Variants in UCHL5 observed in about 807,000 individuals in gnomAD.
UCHL5 encodes ubiquitin C-terminal hydrolase L5.
In UCHL5, 34 loss-of-function variants were observed where a neutral mutation model predicts 53.8. The observed-to-expected ratio is 0.63, with a 90% CI of 0.48 to 0.84. The LOEUF is 0.84. Among genes scored for constraint, UCHL5 ranks in the 40% least tolerant of loss-of-function variants. UCHL5 has a pLI of 0.00. For missense variants in UCHL5, 290 were observed against 385.6 expected, an observed-to-expected ratio of 0.75 and a Z score of 2.08; for synonymous variants, 111 against 126.3, an observed-to-expected ratio of 0.88 and a Z score of 0.81.
At chr1:193,054,948 T>C (rs538123941) in intron 1 of UCHL5, among the ~76,000 whole-genome samples, 11 of 152,158 alleles carry the variant, frequency 7.2e-5, no homozygotes, top group Non-Finnish European at 1.5e-4. Context: ...CAAGAGGAAA[T>C]GTCAATACAA....
At chr1:193,027,578 G>A (rs575962392) in intron 7 of UCHL5, among the ~76,000 whole-genome samples, 47 of 152,136 alleles carry the variant, frequency 3.1e-4, no homozygotes, top group African/African-American at 1.1e-3. Flanking sequence ...CCAGCTACTC[G>A]GGAAGCTGAG....
At position 193,029,369 on chromosome 1, in the gene UCHL5, T is replaced by C; in HGVS notation, c.434+19A>G. 1.2e-6 allele frequency: 2 copies of C among 1,613,586 alleles called. No homozygotes were observed. The highest frequency in any genetic ancestry group is 1.7e-6 in the Non-Finnish European group (2 of 1,179,744). ...AGCAAAGAAAGAAACAGTATTTATT[T>C]AACATAAAGTCTCTTTACCTGGCGA... On this transcript the variant is annotated intron_variant, in intron 5 of 10. Transcript: ENST00000367454.
At chr1:193,035,140 A>T (rs1662893177) in intron 3 of UCHL5, among the ~76,000 whole-genome samples, 1 of 152,030 alleles carries the variant, frequency 6.6e-6, no homozygotes, top group Non-Finnish European at 1.5e-5. Flanking sequence ...CACCCACTCA[A>T]GAAAAAAAAA....
At chr1:193,020,578 T>C in intron 10 of UCHL5, 1 of 1,140,450 alleles carries the variant, frequency 8.8e-7, no homozygotes, top group Non-Finnish European at 1.1e-6. Context: ...TCAACAAATA[T>C]TTTATTGTTA....
chr1:193,051,823 A>G lies in UCHL5; in HGVS notation c.77-6T>C. ...TACTTGGGCTCCTCGGCAACCTGAA[A>G]TAATAAATTATTTTCTTCAGTAAAC... On this transcript the variant is annotated splice_polypyrimidine_tract_variant and splice_region_variant and intron_variant, in intron 1 of 10. Transcript: ENST00000367454. The G allele has an allele frequency of 6.3e-7, 1 of 1,586,192 alleles. No homozygotes were observed. Among genetic ancestry groups the G allele is most frequent in the Non-Finnish European group, 8.6e-7 (1 of 1,165,990 alleles).
chr1:193,028,177 CAAATAA>C (rs1486529940), intron 6 of UCHL5, 29 bp from the exon 7 acceptor site: 4 of 1,533,382 alleles, frequency 2.6e-6, no homozygotes, highest in Non-Finnish European at 3.5e-6. Context: ...ACAGTTAACA[CAAATAA>C]AAATAAGAAC....
rs1478252552 is a variant in UCHL5 at position 193,031,968 on chromosome 1, G to C, written c.247-2311C>G. On this transcript the variant is annotated intron_variant, in intron 3 of 10. Coordinates refer to ENST00000367454, the MANE Select transcript of UCHL5 (RefSeq NM_001199261.3). The stretch of plus-strand genomic sequence containing the variant: ...CAGTAGAGTTCAATAATAGAAATGA[G>C]GCTAGAGCAGAGGGTCTCAAGTAGG... Among the ~76,000 whole-genome samples the C allele has an allele frequency of 5.3e-5, 8 of 152,138 alleles. No homozygotes were observed. In the East Asian group the frequency reaches 1.5e-3, roughly 29 times the overall value.
chr1:193,018,398 A>G, intron 10 of UCHL5: 2 of 548,324 alleles, frequency 3.6e-6, no homozygotes, highest in Non-Finnish European at 4.6e-6. Context: ...TAGAAGTCTC[A>G]CAAATGTAAT....
intron 3 of UCHL5, among the ~76,000 whole-genome samples, chr1:193,044,642 C>T (rs1666795042): frequency 6.6e-6 from 1 of 151,924 alleles, no homozygotes; most frequent in Admixed American, 6.6e-5. Flanking sequence ...ATTATAAATG[C>T]CATTTAGTTA....
intron 9 of UCHL5, 27 bp downstream of exon 9, chr1:193,022,899 T>C: frequency 1.3e-6 from 2 of 1,512,612 alleles, no homozygotes; most frequent in African/African-American, 2.7e-5. Context: ...ATTAAAACAT[T>C]AAAGGAACAC....
chr1:193,025,586 C>A (rs142136657), intron 7 of UCHL5, among the ~76,000 whole-genome samples: 1 of 152,152 alleles, frequency 6.6e-6, no homozygotes, highest in Non-Finnish European at 1.5e-5. Context: ...GGCTAGAACA[C>A]CCATCTCTGC....
chr1:193,036,342 A>G (rs1558084961), intron 3 of UCHL5, among the ~76,000 whole-genome samples: 1 of 147,644 alleles, frequency 6.8e-6, no homozygotes, highest in Non-Finnish European at 1.5e-5. Flanking sequence ...AAAAAAAAAA[A>G]GAACAGGAGT....
intron 3 of UCHL5, chr1:193,049,543 T>C (rs1197947928): frequency 2.4e-6 from 1 of 409,364 alleles, no homozygotes; most frequent in Non-Finnish European, 4.4e-6. Context: ...ATGTCTAATA[T>C]GGCAAACATT....
At chr1:193,045,610 C>G (rs1231862477) in intron 3 of UCHL5, among the ~76,000 whole-genome samples, 1 of 152,218 alleles carries the variant, frequency 6.6e-6, no homozygotes, top group African/African-American at 2.4e-5. Flanking sequence ...GCCTGCAGAA[C>G]TGTAGGTCAA....
chr1:193,012,885 A>G lies in UCHL5; in HGVS notation c.*3466T>C, dbSNP rs1654365204. The G allele has an allele frequency of 6.6e-6, 1 of 152,212 alleles. No homozygotes were observed. Among genetic ancestry groups the G allele is most frequent in the East Asian group, 1.9e-4 (1 of 5,204 alleles). 9.4% of individuals were successfully genotyped at this position (152,212 alleles called of 1,614,324 possible). A position where few individuals can be genotyped will look rare whatever the true frequency, so the allele number is the denominator to read the frequency against. ...AGTTTTCAAAAAGTTAATGTAATCA[A>G]GTCAAAAATAAAAAGTGCCCAGTAT... is the stretch of plus-strand genomic sequence containing the variant. On this transcript the variant is annotated 3_prime_UTR_variant, in exon 11 of 11. Transcript: ENST00000367454.
chr1:193,055,725 G>A (rs1427884735), intron 1 of UCHL5, among the ~76,000 whole-genome samples: 1 of 152,114 alleles, frequency 6.6e-6, no homozygotes, highest in Non-Finnish European at 1.5e-5. Context: ...CTAAATTACT[G>A]GGGTAAATCC....
rs775631136 is a variant in UCHL5 at position 193,021,163 on chromosome 1, C to G, written c.876G>C (p.Leu292=). 11 of 1,609,742 alleles carry G rather than the reference C, an allele frequency of 6.8e-6. No homozygotes were observed. The South Asian group carries it at 9.9e-5, about 14-fold the overall frequency. The change falls in exon 10 of 11, where the codon CTG becomes CTC. Residue 292 remains leucine (L), a synonymous_variant. Coordinates refer to ENST00000367454, the MANE Select transcript of UCHL5 (RefSeq NM_001199261.3). The part of the protein sequence containing the change: ...IENIRRKHNY[L]PFIMELLKTL... ...TCTTTAACAATTCCATAATGAAAGG[C>G]AGATAATTATGCTTCCTTCTGATAT... is the stretch of plus-strand genomic sequence containing the variant.
At position 193,028,040 on chromosome 1, in the gene UCHL5, T is replaced by C. The variant is rs755908010; in HGVS notation, c.629+45A>G. On this transcript the variant is annotated intron_variant, in intron 7 of 10. Transcript: ENST00000367454. Reference sequence around the variant, plus strand: ...AATAAAATACAAGTTTAAAAAATACTTAAAAAACAGAATATTATGCCAATG... The same window carrying C: ...AATAAAATACAAGTTTAAAAAATACCTAAAAAACAGAATATTATGCCAATG... The C allele has an allele frequency of 1.3e-5, 20 of 1,584,988 alleles. No homozygotes were observed. The African/African-American group carries it at 1.4e-4, about 11-fold the overall frequency.
intron 10 of UCHL5, chr1:193,018,690 A>G: frequency 7.6e-7 from 1 of 1,313,266 alleles, no homozygotes; most frequent in Non-Finnish European, 9.8e-7. Flanking sequence ...ATTATAGGCA[A>G]CTGCCTCAGC....
Sources: gnomAD v4.1 joint callset for allele counts (sites outside exome capture counted in the v4.1 genomes callset) on GRCh38, gnomAD v4.1.1 for gene constraint, MANE v1.5 for transcripts, NCBI Gene and HGNC (gene_info 2026-07-23, HGNC 2026-07-21) for gene names.